TOGARAM1: variants seen among roughly 807,000 people sequenced by gnomAD.
TOGARAM1 encodes the protein TOG array regulator of axonemal microtubules 1.
TOGARAM1 carries 100 observed loss-of-function variants against 166.6 expected under a neutral mutation model. The ratio of observed to expected loss-of-function variants is 0.60; its 90% CI spans 0.51 to 0.71. The LOEUF is 0.71. Among genes scored for constraint, TOGARAM1 ranks in the 30% least tolerant of loss-of-function variants. The pLI, the probability that TOGARAM1 is intolerant of heterozygous loss-of-function variation, is 0.00. For missense variants in TOGARAM1, 2,029 were observed against 2,102.7 expected, an observed-to-expected ratio of 0.96 and a Z score of 0.69; for synonymous variants, 758 against 763.8, an observed-to-expected ratio of 0.99 and a Z score of 0.13.
chr14:45,045,384 C>A (rs1881936535), intron 13 of TOGARAM1, among the ~76,000 whole-genome samples: 1 of 150,694 alleles, frequency 6.6e-6, no homozygotes, highest in Non-Finnish European at 1.5e-5. Flanking sequence ...TATGACTTTG[C>A]ATACTCATAA....
chr14:44,963,366 T>A lies in TOGARAM1; in HGVS notation c.945T>A (p.Phe315Leu). ...ACAATCGCCGCCTGGAGTCCCAGTTTGGAAGTCAGGTTCCTTATTATTTGG... is the reference window on the plus strand; with the variant it reads ...ACAATCGCCGCCTGGAGTCCCAGTTAGGAAGTCAGGTTCCTTATTATTTGG... ...RHYNRRLESQ[F>L]GSQVPYYLEL... The change falls in exon 1 of 20, where the codon TTT becomes TTA. Residue 315 changes from phenylalanine to leucine, a missense_variant. Physicochemically the swap from Phe to Leu is conservative, Grantham distance 22. This residue lies in a region of TOGARAM1 where 1,453 missense variants were observed against 1,432.2 expected (regional missense o/e 1.01). Transcript: ENST00000361462. The A allele has an allele frequency of 6.2e-7, 1 of 1,614,210 alleles. No individual in the cohort carries two copies. The highest frequency in any genetic ancestry group is 8.5e-7 in the Non-Finnish European group (1 of 1,180,028).
At chr14:44,981,473 T>C (rs1886530246) in intron 1 of TOGARAM1, among the ~76,000 whole-genome samples, 2 of 152,178 alleles carry the variant, frequency 1.3e-5, no homozygotes, top group Admixed American at 1.3e-4. Flanking sequence ...CAAGGAGTCA[T>C]CAGTGTTAAA....
chr14:45,047,711 G>A (rs1215772800), intron 14 of TOGARAM1, among the ~76,000 whole-genome samples: 2 of 152,086 alleles, frequency 1.3e-5, no homozygotes, highest in African/African-American at 4.8e-5. Flanking sequence ...AAATTAGGAA[G>A]GGTGGACTAG....
In TOGARAM1 at chr14:45,046,615, G is replaced by A; in HGVS notation, c.4225G>A (p.Glu1409Lys). The change falls in exon 14 of 20, where the codon GAA becomes AAA. Residue 1409 changes from glutamate (E) to lysine (K), a missense_variant. Transcript: ENST00000361462. The stretch of plus-strand genomic sequence containing the variant: ...AGATGTATTGGAATTTATGGAACCA[G>A]AACGTATTTTATCTGCAGCAAAGGA... ...LSDVLEFMEP[E>K]RILSAAKDMA... 3.5e-6 allele frequency: 5 copies of A among 1,421,030 alleles called. No individual in the cohort carries two copies. Among genetic ancestry groups the A allele is most frequent in the Non-Finnish European group, 4.6e-6 (5 of 1,080,824 alleles). The allele number at this position is 1,421,030 out of a possible 1,614,324, so 88.0% of individuals were successfully genotyped here. A position where few individuals can be genotyped will look rare whatever the true frequency, so the allele number is the denominator to read the frequency against.
chr14:45,058,555 A>G (rs1203581523), intron 16 of TOGARAM1, among the ~76,000 whole-genome samples: 1 of 152,124 alleles, frequency 6.6e-6, no homozygotes, highest in Non-Finnish European at 1.5e-5. Context: ...GGCCTCCCAA[A>G]GTGCTTGGAT....
rs1885232759 is a variant in TOGARAM1 at position 44,962,690 on chromosome 14, C to A, written c.269C>A (p.Ser90Ter). The A allele has an allele frequency of 3.7e-6, 6 of 1,614,180 alleles. No individual in the cohort carries two copies. The highest frequency in any genetic ancestry group is 5.1e-6 in the Non-Finnish European group (6 of 1,180,042). ...SSWSESGGGL[S>*]GGDEEDTRLL... ...TGGTCTGAGTCTGGAGGCGGTTTGT[C>A]AGGGGGAGATGAAGAGGACACTCGG... The change falls in exon 1 of 20, where the codon TCA becomes TAA. Residue 90 changes from serine (S) to a stop codon, truncating the protein, a stop_gained. Coordinates refer to ENST00000361462, the MANE Select transcript of TOGARAM1 (RefSeq NM_001308120.2). LOFTEE classifies it high-confidence loss of function.
At position 44,987,405 on chromosome 14, in the gene TOGARAM1, A is replaced by G. The variant is rs943750137; in HGVS notation, c.2047-8341A>G. On this transcript the variant is annotated intron_variant, in intron 1 of 19. Transcript: ENST00000361462. Reference sequence around the variant, plus strand: ...ATCTACAAAGAACTCAAACAAATTTACAAGAATAAAACAAACAACCCCATC... The same window carrying G: ...ATCTACAAAGAACTCAAACAAATTTGCAAGAATAAAACAAACAACCCCATC... Among the ~76,000 whole-genome samples the G allele has an allele frequency of 5.3e-5, 8 of 152,254 alleles. No individual in the cohort carries two copies. The East Asian group carries it at 1.5e-3, about 29-fold the overall frequency.
chr14:44,964,831 G>A (rs111403989), intron 1 of TOGARAM1, among the ~76,000 whole-genome samples: 1 of 150,942 alleles, frequency 6.6e-6, no homozygotes, highest in Non-Finnish European at 1.5e-5. Context: ...GTTTCACACA[G>A]TATAGGAAAA....
At chr14:44,996,858 G>C (rs763522260) in intron 2 of TOGARAM1, 1 of 152,234 alleles carries the variant, frequency 6.6e-6, no homozygotes, top group Non-Finnish European at 1.5e-5. Flanking sequence ...TTAACGATCA[G>C]ATCTTGTGAG....
intron 16 of TOGARAM1, among the ~76,000 whole-genome samples, chr14:45,056,569 C>T (rs995492148): frequency 3.0e-4 from 46 of 152,140 alleles, no homozygotes; most frequent in African/African-American, 1.1e-3. Context: ...GGATTTTTAT[C>T]ATGAAGTGAT....
intron 2 of TOGARAM1, among the ~76,000 whole-genome samples, chr14:44,997,750 C>T (rs1887495897): frequency 1.3e-5 from 2 of 150,814 alleles, no homozygotes; most frequent in South Asian, 2.1e-4. Context: ...TGTCTCATGC[C>T]GAGATCACAC....
chr14:45,055,493 T>C (rs1038154303), intron 16 of TOGARAM1, among the ~76,000 whole-genome samples: 3 of 152,130 alleles, frequency 2.0e-5, no homozygotes, highest in Non-Finnish European at 4.4e-5. Flanking sequence ...GCCTCTAGCA[T>C]TGTTGGTTTT....
At chr14:44,988,734 T>A (rs1160867781) in intron 1 of TOGARAM1, among the ~76,000 whole-genome samples, 8 of 152,318 alleles carry the variant, frequency 5.3e-5, no homozygotes, top group Middle Eastern at 3.4e-3. Flanking sequence ...AGTGTGTGAT[T>A]TCAGAAACTA....
chr14:45,052,185 A>C (rs2138972687), intron 14 of TOGARAM1, among the ~76,000 whole-genome samples: 1 of 152,340 alleles, frequency 6.6e-6, no homozygotes, highest in Non-Finnish European at 1.5e-5. Context: ...TTTCCACAGA[A>C]TCATATCTCT....
chr14:44,986,262 A>T (rs1266683692), intron 1 of TOGARAM1, among the ~76,000 whole-genome samples: 1 of 152,180 alleles, frequency 6.6e-6, no homozygotes. Context: ...TTGTCCAAAG[A>T]GTTATCTTAA....
chr14:45,003,145 A>C (rs1397417673), intron 3 of TOGARAM1, among the ~76,000 whole-genome samples: 1 of 152,202 alleles, frequency 6.6e-6, no homozygotes, highest in Non-Finnish European at 1.5e-5. Flanking sequence ...CTCTACCTAG[A>C]TAAGATTTTG....
At chr14:45,023,590 G>A (rs942908553) in intron 7 of TOGARAM1, among the ~76,000 whole-genome samples, 1 of 152,138 alleles carries the variant, frequency 6.6e-6, no homozygotes, top group Non-Finnish European at 1.5e-5. Context: ...AGGTATGCCA[G>A]GGGTTGCAAG....
intron 16 of TOGARAM1, among the ~76,000 whole-genome samples, chr14:45,065,296 C>T (rs1883088628): frequency 6.6e-6 from 1 of 152,140 alleles, no homozygotes; most frequent in Admixed American, 6.5e-5. Context: ...ATCATCTAAA[C>T]AGGGGTGTCC....
intron 16 of TOGARAM1, among the ~76,000 whole-genome samples, chr14:45,057,586 A>G (rs969294220): frequency 6.6e-6 from 1 of 151,994 alleles, no homozygotes; most frequent in African/African-American, 2.4e-5. Context: ...TAGGCATTTA[A>G]TGCTATAAAT....
Sources: gnomAD v4.1 joint callset for allele counts (sites outside exome capture counted in the v4.1 genomes callset) on GRCh38, gnomAD v4.1.1 for gene constraint, gnomAD v4.1.1 regional missense constraint, MANE v1.5 for transcripts, NCBI Gene and HGNC (gene_info 2026-07-23, HGNC 2026-07-21) for gene names.